SLC10A7: variants seen among roughly 807,000 people sequenced by gnomAD.
SLC10A7 encodes sodium/bile acid cotransporter 7.
A neutral mutation model predicts 43.2 loss-of-function variants in SLC10A7; 29 were observed. The observed-to-expected ratio is 0.67, with a 90% CI of 0.50 to 0.92. The LOEUF (loss-of-function observed/expected upper bound fraction) is 0.92. Among genes scored for constraint, SLC10A7 ranks in the 40% least tolerant of loss-of-function variants. The pLI is 0.00. For synonymous variants in SLC10A7, 152 were observed against 144.8 expected (o/e 1.05, Z -0.35); for missense variants, 295 against 403.2 (o/e 0.73, Z 2.30).
chr4:146,358,775 TG>T (rs1448974695), intron 5 of SLC10A7, among the ~76,000 whole-genome samples: 2 of 151,718 alleles, frequency 1.3e-5, no homozygotes. Context: ...CTCCTGATGA[TG>T]GACATTTGAA....
chr4:146,426,483 C>T (rs1484894588), intron 5 of SLC10A7, among the ~76,000 whole-genome samples: 1 of 151,698 alleles, frequency 6.6e-6, no homozygotes, highest in Non-Finnish European at 1.5e-5. Context: ...ATTCAAGACC[C>T]GTCTAGACAA....
chr4:146,512,076 C>A (rs531089602), intron 2 of SLC10A7, among the ~76,000 whole-genome samples: 1 of 143,798 alleles, frequency 7.0e-6, no homozygotes, highest in Admixed American at 7.5e-5. Flanking sequence ...TGAGTTCAAG[C>A]GATTCTCCTG....
chr4:146,450,459 G>T (rs1191463441), intron 4 of SLC10A7, among the ~76,000 whole-genome samples: 2 of 152,112 alleles, frequency 1.3e-5, no homozygotes, highest in Admixed American at 1.3e-4. Context: ...CAGATACCAT[G>T]GGACAATTGC....
intron 5 of SLC10A7, among the ~76,000 whole-genome samples, chr4:146,440,822 G>A (rs899858532): frequency 6.6e-6 from 1 of 152,074 alleles, no homozygotes; most frequent in Non-Finnish European, 1.5e-5. Context: ...GTAAAACAAC[G>A]CTTCTGCCTG....
Position 146,305,966 on chromosome 4 carries a change from T to G in SLC10A7, c.515A>C (p.Gln172Pro). ...SSVPFTSIFS[Q>P]LFMTVVVPLI... ...AGGAACCACAACAGTCATAAAAAGCTGAGAAAAAATAGATGTGAAAGGCAC... is the reference window on the plus strand; with the variant it reads ...AGGAACCACAACAGTCATAAAAAGCGGAGAAAAAATAGATGTGAAAGGCAC... Residue 172 changes from glutamine (Q) to proline (P), a missense_variant, in exon 7 of 12, where the codon CAG (glutamine) becomes CCG (proline). Coordinates refer to ENST00000335472, the MANE Select transcript of SLC10A7 (RefSeq NM_001029998.6). 6.2e-7 allele frequency: 1 copy of G among 1,610,076 alleles called. No individual in the cohort carries two copies. The highest frequency in any genetic ancestry group is 8.5e-7 in the Non-Finnish European group (1 of 1,178,452).
chr4:146,284,534 T>C (rs1729761460), intron 9 of SLC10A7, among the ~76,000 whole-genome samples: 1 of 152,010 alleles, frequency 6.6e-6, no homozygotes, highest in East Asian at 1.9e-4. Flanking sequence ...TGGCCTTTGG[T>C]CTCTCTTCTG....
chr4:146,293,055 T>C (rs1418284269), intron 8 of SLC10A7, 75 bp from the exon 9 acceptor site: 6 of 914,170 alleles, frequency 6.6e-6, no homozygotes, highest in African/African-American at 1.7e-5. Context: ...GTATACTTGT[T>C]TTATCTAAAA....
chr4:146,322,710 G>C (rs1732809505), intron 6 of SLC10A7, among the ~76,000 whole-genome samples: 1 of 152,148 alleles, frequency 6.6e-6, no homozygotes, highest in African/African-American at 2.4e-5. Context: ...ATAGCAGCAT[G>C]ATTTATAATC....
chr4:146,344,101 C>A (rs1734449603), intron 5 of SLC10A7, among the ~76,000 whole-genome samples: 1 of 152,032 alleles, frequency 6.6e-6, no homozygotes, highest in African/African-American at 2.4e-5. Flanking sequence ...ACTTTAGCTT[C>A]ACCTCACAAA....
chr4:146,503,256 C>T (rs768992987), intron 4 of SLC10A7, among the ~76,000 whole-genome samples: 31 of 152,050 alleles, frequency 2.0e-4, no homozygotes, highest in Non-Finnish European at 3.7e-4. Context: ...AATGAATGTC[C>T]GTCAGTATAA....
intron 4 of SLC10A7, among the ~76,000 whole-genome samples, chr4:146,479,821 C>A (rs1340175799): frequency 6.6e-6 from 1 of 151,974 alleles, no homozygotes; most frequent in African/African-American, 2.4e-5. Context: ...ATAAAAATTC[C>A]AATATCTTTT....
chr4:146,490,802 A>G (rs777451921), intron 4 of SLC10A7, among the ~76,000 whole-genome samples: 1 of 152,218 alleles, frequency 6.6e-6, no homozygotes, highest in Non-Finnish European at 1.5e-5. Flanking sequence ...AATACATGAA[A>G]GAATCCTGGA....
intron 5 of SLC10A7, among the ~76,000 whole-genome samples, chr4:146,439,368 T>C (rs1490628829): frequency 6.6e-6 from 1 of 152,120 alleles, no homozygotes; most frequent in African/African-American, 2.4e-5. Context: ...CTCTCAGAGT[T>C]CTTTCTTCAA....
rs34081934 is a variant in SLC10A7 at position 146,298,118 on chromosome 4, CT to C, written c.556-4024del. Among the ~76,000 whole-genome samples the C allele has an allele frequency of 3.5e-3, 533 of 152,276 alleles. 2 individuals carry two copies. Among genetic ancestry groups the C allele is most frequent in the Non-Finnish European group, 4.9e-3 (330 of 68,022 alleles). ...CTTTGAGTCCTGGCCCCAATCCTTA[CT>C]TTGTGATGTTGGGCAAATTCCTCAC... On this transcript the variant is annotated intron_variant, in intron 7 of 11. Transcript: ENST00000335472.
intron 6 of SLC10A7, among the ~76,000 whole-genome samples, chr4:146,316,534 T>C (rs1032472839): frequency 4.6e-4 from 70 of 152,102 alleles, no homozygotes; most frequent in Admixed American, 3.5e-3. Context: ...ACACTGAATC[T>C]GCCTTCATCT....
chr4:146,413,319 A>G (rs945571196), intron 5 of SLC10A7, among the ~76,000 whole-genome samples: 1 of 152,102 alleles, frequency 6.6e-6, no homozygotes, highest in Non-Finnish European at 1.5e-5. Context: ...GGTTTCACGT[A>G]ATTTATTAAT....
intron 4 of SLC10A7, among the ~76,000 whole-genome samples, chr4:146,459,364 T>G (rs978619767): frequency 7.9e-5 from 12 of 151,652 alleles, no homozygotes; most frequent in Non-Finnish European, 1.8e-4. Context: ...TAAACTTTAT[T>G]TATTTATTTA....
At chr4:146,445,368 GGGAAC>G (rs1328197140) in intron 4 of SLC10A7, among the ~76,000 whole-genome samples, 2 of 152,152 alleles carry the variant, frequency 1.3e-5, no homozygotes, top group African/African-American at 4.8e-5. Context: ...AAACGGGTGT[GGGAAC>G]GCGCACAAAG....
Position 146,521,642 on chromosome 4 carries a change from C to G in SLC10A7, c.76G>C (p.Glu26Gln). 1.2e-6 allele frequency: 2 copies of G among 1,614,176 alleles called. No homozygotes were observed. The highest frequency in any genetic ancestry group is 1.7e-6 in the Non-Finnish European group (2 of 1,180,018). The stretch of plus-strand genomic sequence containing the variant: ...CCCCCATTCACCCCTATGGACGGCT[C>G]CAGTTTAGCTCCAGCGATCGCCAGC... ...IVLAIAGAKL[E>Q]PSIGVNGGPL... Residue 26 changes from glutamate (E) to glutamine (Q), a missense_variant, in exon 1 of 12, where the codon GAG (glutamate) becomes CAG (glutamine). Physicochemically the swap from Glu to Gln is conservative, Grantham distance 29. This residue lies in a region of SLC10A7 where 53 missense variants were observed against 40.7 expected (regional missense o/e 1.30). Transcript: ENST00000335472.
Sources: allele counts gnomAD v4.1 joint callset (sites outside exome capture counted in the v4.1 genomes callset), GRCh38; gene constraint gnomAD v4.1.1; regional missense constraint gnomAD v4.1.1; transcripts MANE v1.5; gene names NCBI Gene and HGNC (gene_info 2026-07-23, HGNC 2026-07-21).